Variants in MICU1 observed in about 807,000 individuals in gnomAD.
MICU1 encodes the protein calcium uptake protein 1, mitochondrial.
MICU1 carries 45 observed loss-of-function variants against 56.8 expected under a neutral mutation model. The ratio of observed to expected loss-of-function variants is 0.79; its 90% CI spans 0.62 to 1.02. MICU1 has a LOEUF of 1.02. MICU1 is among the 50% of genes least tolerant of loss of function. The pLI is 0.00. For missense variants in MICU1, 504 were observed against 587.1 expected (o/e 0.86, Z 1.46); for synonymous variants, 186 against 195.1 (o/e 0.95, Z 0.39).
chr10:72,377,912 C>T (rs532725006), intron 10 of MICU1, among the ~76,000 whole-genome samples: 5 of 152,122 alleles, frequency 3.3e-5, no homozygotes, highest in Non-Finnish European at 7.4e-5. Context: ...TATATTTACC[C>T]GATACGGTTT....
chr10:72,438,573 A>G (rs2132175175), intron 8 of MICU1, among the ~76,000 whole-genome samples: 1 of 152,312 alleles, frequency 6.6e-6, no homozygotes, highest in East Asian at 1.9e-4. Context: ...AGAGATAGAG[A>G]CACAAAAACC....
chr10:72,480,699 A>G (rs977894011), intron 6 of MICU1, among the ~76,000 whole-genome samples: 2 of 152,240 alleles, frequency 1.3e-5, no homozygotes, highest in Non-Finnish European at 2.9e-5. Flanking sequence ...ACATGAATTA[A>G]AGCAGTATCC....
intron 4 of MICU1, among the ~76,000 whole-genome samples, chr10:72,548,619 A>C (rs1484024524): frequency 6.6e-6 from 1 of 152,238 alleles, no homozygotes; most frequent in Non-Finnish European, 1.5e-5. Flanking sequence ...GTTGAAGCTA[A>C]GTGATGTAAA....
intron 8 of MICU1, among the ~76,000 whole-genome samples, chr10:72,455,926 T>C (rs988378410): frequency 2.0e-5 from 3 of 151,964 alleles, no homozygotes; most frequent in African/African-American, 4.8e-5. Context: ...TATTGGATAG[T>C]CTGGATTATA....
intron 1 of MICU1, among the ~76,000 whole-genome samples, chr10:72,612,011 C>CAAAAAAAAAAA: frequency 8.3e-6 from 1 of 119,964 alleles, no homozygotes; most frequent in Non-Finnish European, 1.7e-5. Context: ...ACCAACCAAC[C>CAAAAAAAAAAA]AAAAAAAAAA....
chr10:72,506,093 T>C lies in MICU1; in HGVS notation c.652+2062A>G, dbSNP rs575553638. Among the ~76,000 whole-genome samples, 4 of 151,368 alleles carry C rather than the reference T, an allele frequency of 2.6e-5. No individual in the cohort carries two copies. The South Asian group carries it at 8.3e-4, about 32-fold the overall frequency. On this transcript the variant is annotated intron_variant, in intron 6 of 11. Transcript: ENST00000361114. ...CAAACATAGAAAGTAACTTACAAAG[T>C]AAGCACTTCATTGTAAATCACTCAC...
At chr10:72,466,119 A>G (rs959522423) in intron 8 of MICU1, among the ~76,000 whole-genome samples, 3 of 152,258 alleles carry the variant, frequency 2.0e-5, no homozygotes, top group African/African-American at 7.2e-5. Flanking sequence ...TGGGGCCATT[A>G]GTAAATAAAA....
intron 11 of MICU1, among the ~76,000 whole-genome samples, chr10:72,375,238 ATTG>A (rs1431517102): frequency 3.3e-5 from 5 of 152,176 alleles, no homozygotes; most frequent in African/African-American, 7.2e-5. Flanking sequence ...ATCCGTTGTT[ATTG>A]TTGTTATTAG....
At position 72,442,965 on chromosome 10, in the gene MICU1, C is replaced by G. The variant is rs367831826; in HGVS notation, c.934-19594G>C. Among the ~76,000 whole-genome samples, 18 of 152,242 alleles carry G rather than the reference C, an allele frequency of 1.2e-4. No homozygotes were observed. The South Asian group carries it at 2.9e-3, about 25-fold the overall frequency. ...AGAGATGGTGTTTCGTCATGTTGGC[C>G]AGGCTGGTCTCGAACTACTGACCTC... On this transcript the variant is annotated intron_variant, in intron 8 of 11. Coordinates refer to ENST00000361114, the MANE Select transcript of MICU1 (RefSeq NM_001195518.2).
At chr10:72,488,066 C>G (rs1453951217) in intron 6 of MICU1, among the ~76,000 whole-genome samples, 1 of 151,772 alleles carries the variant, frequency 6.6e-6, no homozygotes, top group Non-Finnish European at 1.5e-5. Flanking sequence ...CGTGGTGGCA[C>G]ATGCCTGTAA....
chr10:72,436,513 G>A (rs1864727704), intron 8 of MICU1, among the ~76,000 whole-genome samples: 1 of 152,158 alleles, frequency 6.6e-6, no homozygotes, highest in Non-Finnish European at 1.5e-5. Flanking sequence ...TTCTCCAAAG[G>A]ATCGCAGCTC....
chr10:72,549,945 A>AAAAAAAGG, intron 4 of MICU1, among the ~76,000 whole-genome samples: 1 of 151,372 alleles, frequency 6.6e-6, no homozygotes. Flanking sequence ...AAAAAAAAAA[A>AAAAAAAGG]GAGAATTAGT....
rs2132103556 is a variant in MICU1 at position 72,407,928 on chromosome 10, C to T, written c.1180+1G>A. ...AAAAAACACTTTTTGAGTTTCATTA[C>T]CTTTATCAAGAGATGCTCCAGCCAT... is the stretch of plus-strand genomic sequence containing the variant. On this transcript the variant is annotated splice_donor_variant, in intron 10 of 11. Coordinates refer to ENST00000361114, the MANE Select transcript of MICU1 (RefSeq NM_001195518.2). LOFTEE classifies it high-confidence loss of function. The T allele has an allele frequency of 1.2e-6, 2 of 1,606,632 alleles. No homozygotes were observed. The highest frequency in any genetic ancestry group is 1.3e-5 in the African/African-American group (1 of 74,844).
chr10:72,407,214 A>G (rs1302286872), intron 10 of MICU1, among the ~76,000 whole-genome samples: 1 of 152,244 alleles, frequency 6.6e-6, no homozygotes, highest in African/African-American at 2.4e-5. Flanking sequence ...GGAGTGAAGT[A>G]TACTTACGTC....
intron 10 of MICU1, among the ~76,000 whole-genome samples, chr10:72,385,770 G>A (rs932575891): frequency 3.3e-5 from 5 of 152,116 alleles, no homozygotes; most frequent in Non-Finnish European, 7.4e-5. Flanking sequence ...CCTGTGATGA[G>A]GTTACTGTAT....
At position 72,546,759 on chromosome 10, in the gene MICU1, A is replaced by C. The variant is rs117019633; in HGVS notation, c.493+4420T>G. ...TACTATTATTGAGACAGGGTCTCAC[A>C]CTGTTGCCCAGGCTGGAGTACAGTG... On this transcript the variant is annotated intron_variant, in intron 4 of 11. Transcript: ENST00000361114. 1.9e-3 allele frequency among the ~76,000 whole-genome samples: 282 copies of C among 152,072 alleles called. 5 individuals are homozygous for C. In the East Asian group the frequency reaches 0.052, roughly 28 times the overall value.
At chr10:72,441,468 T>C (rs1589223305) in intron 8 of MICU1, among the ~76,000 whole-genome samples, 2 of 150,016 alleles carry the variant, frequency 1.3e-5, no homozygotes, top group Admixed American at 6.7e-5. Flanking sequence ...GATGAGTTGA[T>C]GGGTGCAGCA....
intron 8 of MICU1, among the ~76,000 whole-genome samples, chr10:72,465,872 T>C (rs890238580): frequency 3.3e-5 from 5 of 152,156 alleles, no homozygotes; most frequent in African/African-American, 7.2e-5. Flanking sequence ...TAAGCACTTA[T>C]CACACACTGT....
chr10:72,423,324 A>C lies in MICU1; in HGVS notation c.981T>G (p.Phe327Leu), dbSNP rs368078332. 3.7e-5 allele frequency: 59 copies of C among 1,613,854 alleles called. No individual in the cohort carries two copies. The African/African-American group carries it at 6.9e-4, about 19-fold the overall frequency. Residue 327 changes from phenylalanine to leucine, a missense_variant, in exon 9 of 12, where the codon TTT becomes TTG. By Grantham distance (22) the Phe-to-Leu change is conservative. Coordinates refer to ENST00000361114, the MANE Select transcript of MICU1 (RefSeq NM_001195518.2). The part of the protein sequence containing the change: ...PVDGRITERQ[F>L]GGMLLAYSGV... Reference sequence around the variant, plus strand: ...CACTGTAGGCAAGTAGCATGCCACCAAACTGCCTCTCAGTAATTCTCCCAT... The same window carrying C: ...CACTGTAGGCAAGTAGCATGCCACCCAACTGCCTCTCAGTAATTCTCCCAT...
Sources: allele counts gnomAD v4.1 joint callset (sites outside exome capture counted in the v4.1 genomes callset), GRCh38; gene constraint gnomAD v4.1.1; transcripts MANE v1.5; gene names NCBI Gene and HGNC (gene_info 2026-07-23, HGNC 2026-07-21).